The following WDR86 variants were observed in gnomAD, a reference collection of about 807,000 sequenced individuals.
WDR86 encodes WD repeat-containing protein 86.
In WDR86, 30 loss-of-function variants were observed where a neutral mutation model predicts 36.5. That is an observed-to-expected ratio of 0.82 (90% CI 0.61 to 1.11). WDR86 has a LOEUF of 1.11. WDR86 is among the 50% of genes most tolerant of loss of function. WDR86 has a pLI of 0.00. For synonymous variants in WDR86, 255 were observed against 252.9 expected (o/e 1.01, Z -0.08); for missense variants, 545 against 561.2 (o/e 0.97, Z 0.29).
downstream of WDR86, among the ~76,000 whole-genome samples, chr7:151,371,225 A>G (rs1016552120): frequency 1.3e-5 from 2 of 152,224 alleles, no homozygotes; most frequent in South Asian, 4.1e-4. Context: ...TGGCCTAAAC[A>G]TCAAAACAAG....
chr7:151,394,928 C>A (rs1385314708), intron 3 of WDR86, among the ~76,000 whole-genome samples: 1 of 152,178 alleles, frequency 6.6e-6, no homozygotes, highest in East Asian at 1.9e-4. Context: ...CGTTTTCGTG[C>A]CAAGCTTAAG....
At chr7:151,382,723 G>C (rs184755272) in intron 4 of WDR86, among the ~76,000 whole-genome samples, 10 of 152,292 alleles carry the variant, frequency 6.6e-5, no homozygotes, top group African/African-American at 2.2e-4. Flanking sequence ...TGGGCTCTCC[G>C]AAGCCGACCC....
At chr7:151,383,165 C>T (rs1388270933) in intron 4 of WDR86, among the ~76,000 whole-genome samples, 1 of 64,112 alleles carries the variant, frequency 1.6e-5, no homozygotes, top group Non-Finnish European at 3.2e-5. Flanking sequence ...TTAAAAAAAA[C>T]GGGGCGGCGG....
intron 1 of WDR86, among the ~76,000 whole-genome samples, chr7:151,402,569 G>A (rs1011117181): frequency 7.9e-5 from 12 of 152,348 alleles, no homozygotes; most frequent in South Asian, 6.2e-4. Flanking sequence ...AGGGTGACTC[G>A]GTGCCCGTAG....
intron 2 of WDR86, 72 bp downstream of exon 2, chr7:151,400,028 A>G: frequency 7.2e-7 from 1 of 1,389,842 alleles, no homozygotes. Flanking sequence ...AGGGGCCCAT[A>G]TCTCTGACCC....
rs766571614 is a variant in WDR86, at chr7:151,395,799, G to A, written c.703C>T (p.Arg235Trp). ...GEQLRVFREH[R>W]GSVICLELVN... is the part of the protein sequence containing the mutation. ...ACCTCCAGACAGATGACGGAGCCCCGGTGCTCCCGGAACACCCGCAGCTGC... is the reference window on the plus strand; with the variant it reads ...ACCTCCAGACAGATGACGGAGCCCCAGTGCTCCCGGAACACCCGCAGCTGC... The change falls in exon 3 of 6, where the codon CGG becomes TGG. Residue 235 changes from arginine (R) to tryptophan (W), a missense_variant. Physicochemically the swap from Arg to Trp is moderately radical, Grantham distance 101. Transcript: ENST00000334493. 20 of 1,564,478 alleles carry A rather than the reference G, an allele frequency of 1.3e-5. No homozygotes were observed. The highest frequency in any genetic ancestry group is 5.9e-5 in the South Asian group (5 of 84,916).
downstream of WDR86, among the ~76,000 whole-genome samples, chr7:151,380,174 T>TG: frequency 6.6e-6 from 1 of 152,074 alleles, no homozygotes; most frequent in South Asian, 2.1e-4. Context: ...TTTCCTGGGG[T>TG]GGGGGTCGGG....
downstream of WDR86, chr7:151,375,797 A>C (rs1163398117): frequency 1.6e-6 from 2 of 1,213,642 alleles, no homozygotes; most frequent in East Asian, 4.7e-5. Context: ...GCCTGTCTGA[A>C]TGTGTGAAGA....
rs959940614 is a variant in WDR86 at position 151,394,508 on chromosome 7, G to A, written c.726+1268C>T. ...TAGCAATGCACCCCAACCGCTTGCC[G>A]CAGGGGTCGGACCTGCCCTGGAGCA... On this transcript the variant is annotated intron_variant, in intron 3 of 5. Coordinates refer to ENST00000334493, the MANE Select transcript of WDR86 (RefSeq NM_198285.3). Among the ~76,000 whole-genome samples, 10 of 152,214 alleles carry A rather than the reference G, an allele frequency of 6.6e-5. 1 individual carries two copies. The highest frequency in any genetic ancestry group is 3.3e-4 in the Admixed American group (5 of 15,286).
At chr7:151,399,663 G>A (rs1293504480) in intron 2 of WDR86, among the ~76,000 whole-genome samples, 2 of 152,250 alleles carry the variant, frequency 1.3e-5, no homozygotes, top group Non-Finnish European at 2.9e-5. Context: ...TACAAAGAAA[G>A]GAGAGGCTTA....
chr7:151,377,452 G>A (rs940712872), downstream of WDR86: 2 of 383,192 alleles, frequency 5.2e-6, no homozygotes, highest in Non-Finnish European at 9.4e-6. Context: ...TGCCTCCCAG[G>A]TCTGCGTCCC....
intron 2 of WDR86, among the ~76,000 whole-genome samples, chr7:151,399,174 G>A (rs922158809): frequency 6.6e-6 from 1 of 152,168 alleles, no homozygotes; most frequent in Non-Finnish European, 1.5e-5. Flanking sequence ...CTCCTCCTCA[G>A]GGTGTCACCC....
intron 3 of WDR86, among the ~76,000 whole-genome samples, chr7:151,393,587 G>A (rs1385357578): frequency 6.6e-6 from 1 of 152,116 alleles, no homozygotes; most frequent in Non-Finnish European, 1.5e-5. Context: ...GTGACATGAG[G>A]GCGAGTCACC....
At chr7:151,380,991 C>G, downstream of WDR86, 2 of 304,994 alleles carry the variant, frequency 6.6e-6, no homozygotes, top group Non-Finnish European at 1.0e-5. Context: ...ACCCACAAGT[C>G]ACCCCCAAGG....
intron 3 of WDR86, among the ~76,000 whole-genome samples, chr7:151,395,473 G>A (rs1321661815): frequency 6.6e-6 from 1 of 150,588 alleles, no homozygotes; most frequent in East Asian, 1.9e-4. Flanking sequence ...TATGACTGGT[G>A]TCCTTCTAAG....
At chr7:151,391,901 G>C (rs1799468148) in intron 3 of WDR86, among the ~76,000 whole-genome samples, 1 of 151,752 alleles carries the variant, frequency 6.6e-6, no homozygotes, top group African/African-American at 2.4e-5. Context: ...CTGGGCGATG[G>C]GGGCCTTTTT....
At chr7:151,380,676 C>G (rs941074650), downstream of WDR86, among the ~76,000 whole-genome samples, 4 of 152,034 alleles carry the variant, frequency 2.6e-5, no homozygotes, top group Non-Finnish European at 5.9e-5. Flanking sequence ...CCCCTGGGCA[C>G]AGGGCTCCCC....
chr7:151,408,033 G>A (rs1800850535), intron 1 of WDR86, among the ~76,000 whole-genome samples: 1 of 151,926 alleles, frequency 6.6e-6, no homozygotes, highest in African/African-American at 2.4e-5. Context: ...TCCATTCCTG[G>A]TTGAATGCCT....
At chr7:151,391,930 C>G (rs185652270) in intron 3 of WDR86, among the ~76,000 whole-genome samples, 108 of 152,286 alleles carry the variant, frequency 7.1e-4, no homozygotes, top group Middle Eastern at 3.4e-3. Context: ...AGCCACCAGG[C>G]CTTCCTAGTG....
Sources: allele counts gnomAD v4.1 joint callset (sites outside exome capture counted in the v4.1 genomes callset), GRCh38; gene constraint gnomAD v4.1.1; transcripts MANE v1.5; gene names NCBI Gene and HGNC (gene_info 2026-07-23, HGNC 2026-07-21).